Variants in HAT1 observed in about 807,000 individuals in gnomAD.
HAT1 encodes the protein histone acetyltransferase 1.
In HAT1, 20 loss-of-function variants were observed where a neutral mutation model predicts 56.6. That is an observed-to-expected ratio of 0.35 (90% CI 0.25 to 0.51). The LOEUF is 0.51. Ranked by LOEUF, HAT1 falls within the 20% of genes least tolerant of loss-of-function variation. The pLI is 0.95. For missense variants in HAT1, 408 were observed against 504.3 expected, an observed-to-expected ratio of 0.81 and a Z score of 1.83; for synonymous variants, 146 against 165.5, an observed-to-expected ratio of 0.88 and a Z score of 0.91.
chr2:171,946,642 A>C, intron 2 of HAT1, 66 bp from the exon 3 acceptor site: 41 of 899,528 alleles, frequency 4.6e-5, no homozygotes, highest in South Asian at 7.2e-5. Context: ...ATGAAATAGG[A>C]ATACCTGTCA....
chr2:171,941,251 T>C (rs1263154192), intron 2 of HAT1, among the ~76,000 whole-genome samples: 1 of 152,024 alleles, frequency 6.6e-6, no homozygotes, highest in Admixed American at 6.6e-5. Flanking sequence ...CTCGCTCTGT[T>C]GTCCAGGCTG....
intron 8 of HAT1, among the ~76,000 whole-genome samples, chr2:171,975,118 T>C (rs74804670): frequency 6.6e-6 from 1 of 150,698 alleles, no homozygotes; most frequent in Admixed American, 6.6e-5. Context: ...TTTTTTTTTT[T>C]AATGGAGATG....
At chr2:171,970,031 C>T (rs778523149) in intron 8 of HAT1, among the ~76,000 whole-genome samples, 1 of 151,994 alleles carries the variant, frequency 6.6e-6, no homozygotes, top group Admixed American at 6.6e-5. Context: ...TGTCACACAC[C>T]TATGGTCCCA....
At chr2:171,926,736 A>T (rs2105961984) in intron 2 of HAT1, among the ~76,000 whole-genome samples, 1 of 152,352 alleles carries the variant, frequency 6.6e-6, no homozygotes, top group South Asian at 2.1e-4. Flanking sequence ...TCCTGGTTTG[A>T]CAGTTTCTTA....
At chr2:171,934,754 G>GTTTT (rs71013091) in intron 2 of HAT1, among the ~76,000 whole-genome samples, 3 of 128,400 alleles carry the variant, frequency 2.3e-5, no homozygotes, top group South Asian at 2.6e-4. Context: ...ACTAGAGTGG[G>GTTTT]TTTTTTTTTT....
At chr2:171,947,876 C>G (rs774759119) in intron 3 of HAT1, among the ~76,000 whole-genome samples, 1 of 151,712 alleles carries the variant, frequency 6.6e-6, no homozygotes, top group Non-Finnish European at 1.5e-5. Flanking sequence ...GAGACTGTCT[C>G]AAAAAAACAA....
intron 10 of HAT1, 105 bp downstream of exon 10, chr2:171,979,468 A>AG: frequency 1.5e-6 from 1 of 666,364 alleles, no homozygotes; most frequent in Non-Finnish European, 2.7e-6. Flanking sequence ...ATTTTGTAAA[A>AG]TTAACTTTTA....
chr2:171,941,175 C>A (rs779469177), intron 2 of HAT1, among the ~76,000 whole-genome samples: 5 of 151,882 alleles, frequency 3.3e-5, no homozygotes, highest in Non-Finnish European at 5.9e-5. Flanking sequence ...TGTCACTTGC[C>A]ACTCACTACT....
At chr2:171,982,250 G>C (rs1464474023) in intron 10 of HAT1, among the ~76,000 whole-genome samples, 1 of 152,144 alleles carries the variant, frequency 6.6e-6, no homozygotes, top group Non-Finnish European at 1.5e-5. Context: ...TGTAATCCCA[G>C]CAGTTTGGGA....
At chr2:171,955,103 A>G (rs776637682) in intron 4 of HAT1, among the ~76,000 whole-genome samples, 7 of 152,186 alleles carry the variant, frequency 4.6e-5, no homozygotes, top group Non-Finnish European at 8.8e-5. Context: ...GAGAATAAAT[A>G]TTGTTTTAAG....
At chr2:171,975,928 C>T (rs894217430) in intron 8 of HAT1, among the ~76,000 whole-genome samples, 1 of 148,742 alleles carries the variant, frequency 6.7e-6, no homozygotes, top group African/African-American at 2.5e-5. Flanking sequence ...TTAAGAGTGA[C>T]TCTTAGGTTA....
intron 10 of HAT1, chr2:171,980,592 A>C (rs1454719726): frequency 1.3e-5 from 2 of 152,170 alleles, no homozygotes; most frequent in Non-Finnish European, 2.9e-5. Flanking sequence ...GTGGTGGCTC[A>C]TGCCTGTAAT....
chr2:171,959,355 A>C (rs966185933), intron 4 of HAT1, among the ~76,000 whole-genome samples: 1 of 152,248 alleles, frequency 6.6e-6, no homozygotes, highest in African/African-American at 2.4e-5. Context: ...TTACAGTTGC[A>C]GCTGATAGCA....
chr2:171,970,571 G>A (rs1217956439), intron 8 of HAT1, among the ~76,000 whole-genome samples: 1 of 120,566 alleles, frequency 8.3e-6, no homozygotes, highest in African/African-American at 3.3e-5. Flanking sequence ...CCAGGCTGGA[G>A]TGCAGTGGTG....
intron 2 of HAT1, among the ~76,000 whole-genome samples, chr2:171,945,118 G>A (rs537678555): frequency 6.6e-6 from 1 of 152,244 alleles, no homozygotes; most frequent in African/African-American, 2.4e-5. Context: ...TGATCTGCCT[G>A]CCTCAGCCTC....
intron 2 of HAT1, among the ~76,000 whole-genome samples, chr2:171,936,929 A>G (rs186999655): frequency 6.9e-4 from 105 of 152,278 alleles, no homozygotes; most frequent in Admixed American, 4.6e-3. Flanking sequence ...GATAGATCAT[A>G]TATATTAAAT....
intron 9 of HAT1, among the ~76,000 whole-genome samples, chr2:171,978,513 T>C (rs1416210715): frequency 6.6e-6 from 1 of 152,172 alleles, no homozygotes; most frequent in Non-Finnish European, 1.5e-5. Flanking sequence ...TTCTTCAGAT[T>C]TTCTATTTTC....
chr2:171,945,134 G>C (rs1687125908), intron 2 of HAT1, among the ~76,000 whole-genome samples: 1 of 151,998 alleles, frequency 6.6e-6, no homozygotes, highest in Admixed American at 6.6e-5. Context: ...GCCTCCCAAA[G>C]TGCTGGGATT....
At chr2:171,922,699 C>G (rs989010401) in intron 1 of HAT1, 192 bp downstream of exon 1, 6 of 420,790 alleles carry the variant, frequency 1.4e-5, no homozygotes, top group Admixed American at 1.3e-4. Flanking sequence ...GCCCCCGCCC[C>G]CAACTGCTTG....
Sources: allele counts gnomAD v4.1 joint callset (sites outside exome capture counted in the v4.1 genomes callset), GRCh38; gene constraint gnomAD v4.1.1; transcripts MANE v1.5; gene names NCBI Gene and HGNC (gene_info 2026-07-23, HGNC 2026-07-21).